C1QTNF7: variants seen among roughly 807,000 people sequenced by gnomAD.
C1QTNF7 encodes the protein C1q and TNF related 7.
In C1QTNF7, 15 loss-of-function variants were observed where a neutral mutation model predicts 19.6. That is an observed-to-expected ratio of 0.76 (90% CI 0.51 to 1.18). The LOEUF is 1.18. Among genes scored for constraint, C1QTNF7 ranks in the 50% most tolerant of loss-of-function variants. The pLI is 0.00. For synonymous variants in C1QTNF7, 142 were observed against 137.5 expected, an observed-to-expected ratio of 1.03 and a Z score of -0.23; for missense variants, 324 against 359.7, an observed-to-expected ratio of 0.90 and a Z score of 0.80.
At position 15,442,194 on chromosome 4, in the gene C1QTNF7, G is replaced by C; in HGVS notation, c.265G>C (p.Gly89Arg). 1 of 1,612,266 alleles carries C rather than the reference G, an allele frequency of 6.2e-7. No homozygotes were observed. The highest frequency in any genetic ancestry group is 8.5e-7 in the Non-Finnish European group (1 of 1,179,424). Residue 89 changes from glycine to arginine, a missense_variant, in exon 3 of 3, where the codon GGT (glycine) becomes CGT (arginine). Transcript: ENST00000444304. ...AGLRGKTGPL[G>R]LAGEKGDQGE... ...TTTGAGAGGTAAGACTGGACCGCTA[G>C]GTCTTGCCGGTGAGAAAGGGGACCA...
intron 1 of C1QTNF7, among the ~76,000 whole-genome samples, chr4:15,340,950 G>T (rs1012386706): frequency 6.6e-6 from 1 of 152,178 alleles, no homozygotes; most frequent in African/African-American, 2.4e-5. Flanking sequence ...CACTTGAGAA[G>T]TATCTTGTGC....
intron 1 of C1QTNF7, among the ~76,000 whole-genome samples, chr4:15,360,028 C>G (rs912833525): frequency 6.6e-6 from 1 of 152,174 alleles, no homozygotes. Context: ...GGCATCATCC[C>G]TGCTGTCTAT....
At chr4:15,343,984 C>T (rs1486738256) in intron 1 of C1QTNF7, among the ~76,000 whole-genome samples, 1 of 152,168 alleles carries the variant, frequency 6.6e-6, no homozygotes, top group Non-Finnish European at 1.5e-5. Flanking sequence ...TCTCTGTATC[C>T]CTTACCCAGG....
At position 15,442,424 on chromosome 4, in the gene C1QTNF7, T is replaced by C; in HGVS notation, c.495T>C (p.Ile165=). 2 of 1,614,186 alleles carry C rather than the reference T, an allele frequency of 1.2e-6. No homozygotes were observed. Among genetic ancestry groups the C allele is most frequent in the Non-Finnish European group, 1.7e-6 (2 of 1,180,028 alleles). Residue 165 remains isoleucine, a synonymous_variant, in exon 3 of 3, where the codon ATT becomes ATC. Transcript: ENST00000444304. ...TTSYPEERLP[I]IFNKVLFNEG... ...GCTACCCAGAAGAAAGACTACCTATTATATTTAACAAGGTCCTCTTCAACG... is the reference window on the plus strand; with the variant it reads ...GCTACCCAGAAGAAAGACTACCTATCATATTTAACAAGGTCCTCTTCAACG...
chr4:15,424,747 T>C (rs1288153833), upstream of C1QTNF7, among the ~76,000 whole-genome samples: 1 of 152,196 alleles, frequency 6.6e-6, no homozygotes, highest in Non-Finnish European at 1.5e-5. Flanking sequence ...ATTTCTAGCT[T>C]TCTTTTATGT....
intron 1 of C1QTNF7, among the ~76,000 whole-genome samples, chr4:15,410,265 T>C (rs35866305): frequency 0.25 from 38,622 of 152,162 alleles, 5,913 homozygotes; most frequent in East Asian, 0.38. Flanking sequence ...ATAATTATGT[T>C]ACTAAATATA....
chr4:15,395,302 C>G (rs116758441), intron 1 of C1QTNF7, among the ~76,000 whole-genome samples: 1 of 152,028 alleles, frequency 6.6e-6, no homozygotes, highest in African/African-American at 2.4e-5. Context: ...TGTAAGAATT[C>G]CATAAAAGAG....
At chr4:15,441,167 T>C (rs1206882435) in intron 2 of C1QTNF7, among the ~76,000 whole-genome samples, 1 of 152,110 alleles carries the variant, frequency 6.6e-6, no homozygotes, top group Non-Finnish European at 1.5e-5. Flanking sequence ...AGAATTTATG[T>C]TCCTGCCAAA....
At chr4:15,344,397 G>C (rs73797902) in intron 1 of C1QTNF7, among the ~76,000 whole-genome samples, 1,542 of 152,280 alleles carry the variant, frequency 0.01, 16 homozygotes, top group African/African-American at 0.035. Flanking sequence ...CAGCAGCAGT[G>C]GTTGCTCACA....
intron 1 of C1QTNF7, among the ~76,000 whole-genome samples, chr4:15,382,809 A>C (rs894699893): frequency 1.3e-5 from 2 of 152,154 alleles, no homozygotes; most frequent in African/African-American, 2.4e-5. Context: ...ATCTAACCTT[A>C]GTTGATTCTT....
At chr4:15,371,623 GA>G (rs1008254438) in intron 1 of C1QTNF7, among the ~76,000 whole-genome samples, 1 of 152,110 alleles carries the variant, frequency 6.6e-6, no homozygotes, top group African/African-American at 2.4e-5. Context: ...TATGAAAGGA[GA>G]AAAAATTATA....
intron 1 of C1QTNF7, among the ~76,000 whole-genome samples, chr4:15,364,870 T>C (rs1227066598): frequency 6.6e-6 from 1 of 152,166 alleles, no homozygotes; most frequent in Non-Finnish European, 1.5e-5. Context: ...GTTTGAGGTA[T>C]GGGAATGGTC....
intron 1 of C1QTNF7, among the ~76,000 whole-genome samples, chr4:15,393,049 A>T (rs1267543721): frequency 6.6e-6 from 1 of 152,204 alleles, no homozygotes; most frequent in Non-Finnish European, 1.5e-5. Context: ...GTGGGACATA[A>T]CTGAATCATG....
At chr4:15,391,751 C>G (rs935606178) in intron 1 of C1QTNF7, among the ~76,000 whole-genome samples, 1 of 152,076 alleles carries the variant, frequency 6.6e-6, no homozygotes, top group Non-Finnish European at 1.5e-5. Context: ...ATAAACATTG[C>G]ATACAGATAA....
chr4:15,379,911 G>C (rs532952539), intron 1 of C1QTNF7, among the ~76,000 whole-genome samples: 7 of 152,188 alleles, frequency 4.6e-5, no homozygotes, highest in Non-Finnish European at 1.0e-4. Flanking sequence ...GGGACATGTT[G>C]AGTCCAGCTG....
intron 1 of C1QTNF7, among the ~76,000 whole-genome samples, chr4:15,419,729 T>C (rs1315647474): frequency 6.6e-6 from 1 of 152,122 alleles, no homozygotes; most frequent in Non-Finnish European, 1.5e-5. Flanking sequence ...GTTAAAAAAA[T>C]AGCATATGTA....
chr4:15,428,344 G>A (rs1712147868), intron 1 of C1QTNF7, among the ~76,000 whole-genome samples: 1 of 152,112 alleles, frequency 6.6e-6, no homozygotes, highest in Admixed American at 6.6e-5. Context: ...TGGGGAGGAC[G>A]ATATGGGCTT....
At chr4:15,404,731 G>A (rs759687623) in intron 1 of C1QTNF7, among the ~76,000 whole-genome samples, 1 of 152,164 alleles carries the variant, frequency 6.6e-6, no homozygotes, top group Non-Finnish European at 1.5e-5. Flanking sequence ...TCTTAATGGG[G>A]ACCAAGGGCA....
At chr4:15,340,715 G>T (rs768527731) in intron 1 of C1QTNF7, among the ~76,000 whole-genome samples, 1 of 152,172 alleles carries the variant, frequency 6.6e-6, no homozygotes, top group Admixed American at 6.5e-5. Flanking sequence ...ATTTTTAAAA[G>T]TTAAATAAAT....
Sources: allele counts gnomAD v4.1 joint callset (sites outside exome capture counted in the v4.1 genomes callset), GRCh38; gene constraint gnomAD v4.1.1; transcripts MANE v1.5; gene names NCBI Gene and HGNC (gene_info 2026-07-23, HGNC 2026-07-21).